Variants in CACNA2D3 observed in about 807,000 individuals in gnomAD.
CACNA2D3 encodes voltage-dependent calcium channel subunit alpha-2/delta-3.
In CACNA2D3, 60 loss-of-function variants were observed where a neutral mutation model predicts 160.6. The observed-to-expected ratio is 0.37, with a 90% confidence interval of 0.30 to 0.46. The LOEUF (loss-of-function observed/expected upper bound fraction) is 0.46. Among genes scored for constraint, CACNA2D3 ranks in the 20% least tolerant of loss-of-function variants. The pLI is 1.00. For missense variants in CACNA2D3, 1,205 were observed against 1,365.0 expected, an observed-to-expected ratio of 0.88 and a Z score of 1.85; for synonymous variants, 558 against 492.9, an observed-to-expected ratio of 1.13 and a Z score of -1.75.
chr3:54,736,109 GTA>G (rs1553814503), intron 11 of CACNA2D3, among the ~76,000 whole-genome samples: 1 of 20,078 alleles, frequency 5.0e-5, no homozygotes, highest in Admixed American at 6.0e-4. Flanking sequence ...ACATATATAT[GTA>G]TATATATACA....
intron 4 of CACNA2D3, among the ~76,000 whole-genome samples, chr3:54,391,910 G>A (rs1433338045): frequency 1.3e-5 from 2 of 152,120 alleles, no homozygotes; most frequent in African/African-American, 4.8e-5. Context: ...TTCTCTTGGT[G>A]TAGTTCTTTA....
At chr3:54,837,715 G>A (rs1698726117) in intron 15 of CACNA2D3, among the ~76,000 whole-genome samples, 1 of 152,064 alleles carries the variant, frequency 6.6e-6, no homozygotes, top group Non-Finnish European at 1.5e-5. Flanking sequence ...GCTTCTCGGG[G>A]CCCCCAGCAT....
At chr3:54,690,896 C>G (rs1230691584) in intron 11 of CACNA2D3, among the ~76,000 whole-genome samples, 1 of 152,128 alleles carries the variant, frequency 6.6e-6, no homozygotes, top group African/African-American at 2.4e-5. Flanking sequence ...AGGGGTAGTG[C>G]AGCAAAGCCC....
chr3:54,186,867 C>T (rs1201958108), intron 2 of CACNA2D3, among the ~76,000 whole-genome samples: 1 of 152,226 alleles, frequency 6.6e-6, no homozygotes, highest in African/African-American at 2.4e-5. Flanking sequence ...GACAGCGTTG[C>T]TCCTGCCTTC....
At chr3:54,532,751 G>T (rs186207624) in intron 5 of CACNA2D3, among the ~76,000 whole-genome samples, 1 of 152,296 alleles carries the variant, frequency 6.6e-6, no homozygotes, top group East Asian at 1.9e-4. Context: ...GAATAGTGCT[G>T]CAATAAACAT....
chr3:55,043,305 G>GCTCC (rs1370473822), intron 35 of CACNA2D3, among the ~76,000 whole-genome samples: 4 of 149,996 alleles, frequency 2.7e-5, no homozygotes, highest in Non-Finnish European at 5.9e-5. Context: ...TTCCTTCCTT[G>GCTCC]CTCCCTCCCT....
At chr3:54,973,027 T>C (rs1332880420) in intron 29 of CACNA2D3, among the ~76,000 whole-genome samples, 1 of 152,058 alleles carries the variant, frequency 6.6e-6, no homozygotes, top group East Asian at 1.9e-4. Flanking sequence ...TCATCAATTG[T>C]GGTAAGTCCT....
chr3:54,916,930 G>A (rs1000347599), intron 27 of CACNA2D3, among the ~76,000 whole-genome samples: 1 of 152,194 alleles, frequency 6.6e-6, no homozygotes, highest in African/African-American at 2.4e-5. Flanking sequence ...GGCATCTGTG[G>A]TGCTGAGCTA....
Position 54,940,700 on chromosome 3 carries a change from A to C in CACNA2D3, c.2450-27750A>C, listed in dbSNP as rs535977757. ...AAGCAAACAATAAGGCTGTTGTATG[A>C]AAAGTCTTTGTACTCTGGACGTTCC... On this transcript the variant is annotated intron_variant, in intron 27 of 37. Coordinates refer to ENST00000474759, the MANE Select transcript of CACNA2D3 (RefSeq NM_018398.3). 6.6e-5 allele frequency among the ~76,000 whole-genome samples: 10 copies of C among 152,334 alleles called. No individual in the cohort carries two copies. The South Asian group carries it at 1.7e-3, about 25-fold the overall frequency.
chr3:54,976,628 A>T (rs1405114326), intron 29 of CACNA2D3, among the ~76,000 whole-genome samples: 1 of 152,022 alleles, frequency 6.6e-6, no homozygotes, highest in Non-Finnish European at 1.5e-5. Flanking sequence ...TTACATTCTT[A>T]TTGTTACTAT....
chr3:55,031,868 G>A (rs1703696669), intron 35 of CACNA2D3, among the ~76,000 whole-genome samples: 1 of 152,122 alleles, frequency 6.6e-6, no homozygotes, highest in Non-Finnish European at 1.5e-5. Context: ...GAAATTATCA[G>A]GATAAAATCA....
At chr3:54,487,788 T>G (rs1176690335) in intron 4 of CACNA2D3, among the ~76,000 whole-genome samples, 1 of 152,228 alleles carries the variant, frequency 6.6e-6, no homozygotes, top group Admixed American at 6.5e-5. Context: ...AAAGTAAAAT[T>G]AATTAAAATG....
chr3:54,228,542 A>G (rs1314556932), intron 2 of CACNA2D3, among the ~76,000 whole-genome samples: 1 of 152,236 alleles, frequency 6.6e-6, no homozygotes, highest in East Asian at 1.9e-4. Flanking sequence ...ATGGTCTAGC[A>G]GTCATCTCTT....
intron 3 of CACNA2D3, among the ~76,000 whole-genome samples, chr3:54,368,632 G>A (rs1698866547): frequency 6.8e-6 from 1 of 146,844 alleles, no homozygotes; most frequent in South Asian, 2.2e-4. Flanking sequence ...CATATGTAGT[G>A]TAATCAGTTT....
At chr3:54,364,487 T>C (rs1698796008) in intron 3 of CACNA2D3, among the ~76,000 whole-genome samples, 1 of 152,236 alleles carries the variant, frequency 6.6e-6, no homozygotes, top group Non-Finnish European at 1.5e-5. Flanking sequence ...GACGGCAATT[T>C]TATATTGAGC....
Position 54,562,782 on chromosome 3 carries a change from T to G in CACNA2D3, c.545-18T>G. On this transcript the variant is annotated intron_variant, in intron 5 of 37. Transcript: ENST00000474759. ...TTGGTTTCTAATACACCCCTCTCTC[T>G]CTCTTTCTTTTTTACAGACCCTGCA... The G allele has an allele frequency of 1.2e-6, 2 of 1,607,736 alleles. No homozygotes were observed. The highest frequency in any genetic ancestry group is 1.7e-6 in the Non-Finnish European group (2 of 1,175,450).
intron 13 of CACNA2D3, among the ~76,000 whole-genome samples, chr3:54,791,040 A>T (rs1212556388): frequency 2.0e-5 from 3 of 149,464 alleles, no homozygotes; most frequent in South Asian, 2.1e-4. Context: ...CCTTCTTTGT[A>T]TTTTTTTTTT....
At chr3:54,774,779 C>T (rs1020749590) in intron 13 of CACNA2D3, among the ~76,000 whole-genome samples, 3 of 151,782 alleles carry the variant, frequency 2.0e-5, no homozygotes, top group African/African-American at 4.8e-5. Context: ...GGATTACAGG[C>T]GCCCGCCACC....
rs189434626 is a variant in CACNA2D3 at position 55,036,401 on chromosome 3, T to G, written c.2987+18084T>G. 2.7e-3 allele frequency among the ~76,000 whole-genome samples: 415 copies of G among 152,262 alleles called. 2 individuals are homozygous for G. Among genetic ancestry groups the G allele is most frequent in the African/African-American group, 9.5e-3 (395 of 41,578 alleles). On this transcript the variant is annotated intron_variant, in intron 35 of 37. Coordinates refer to ENST00000474759, the MANE Select transcript of CACNA2D3 (RefSeq NM_018398.3). The stretch of plus-strand genomic sequence containing the variant: ...GACGGAGGTTGCAGTGAGTTGAGAT[T>G]GCACCAAGCCATACACACAAAACCC...
Sources: allele counts gnomAD v4.1 joint callset (sites outside exome capture counted in the v4.1 genomes callset), GRCh38; gene constraint gnomAD v4.1.1; transcripts MANE v1.5; gene names NCBI Gene and HGNC (gene_info 2026-07-23, HGNC 2026-07-21).